The following ZNF212 variants were observed in gnomAD, a reference collection of about 807,000 sequenced individuals.
ZNF212 encodes the protein Zinc finger protein C2H2-150.
ZNF212 carries 32 observed loss-of-function variants against 47.3 expected under a neutral mutation model. The observed-to-expected ratio is 0.68, with a 90% CI of 0.51 to 0.91. The LOEUF is 0.91. Among genes scored for constraint, ZNF212 ranks in the 40% least tolerant of loss-of-function variants. The pLI is 0.00. For missense variants in ZNF212, 555 were observed against 622.8 expected, an observed-to-expected ratio of 0.89 and a Z score of 1.16; for synonymous variants, 242 against 253.8, an observed-to-expected ratio of 0.95 and a Z score of 0.44.
In ZNF212 at chr7:149,239,708, G is replaced by T. The variant is rs932877799; in HGVS notation, c.-71G>T. On this transcript the variant is annotated 5_prime_UTR_variant, in exon 1 of 5. Transcript: ENST00000335870. ...GCGGCGGCTTCCAACAGGCTCTGGG[G>T]CGCCGAGCGGACAGGAACGCAGCAC... 8.6e-6 allele frequency: 11 copies of T among 1,278,588 alleles called. No individual in the cohort carries two copies. The African/African-American group carries it at 9.3e-5, about 11-fold the overall frequency. 79.2% of individuals were successfully genotyped at this position (1,278,588 alleles called of 1,614,324 possible).
Position 149,253,902 on chromosome 7 carries a change from C to T in ZNF212, c.975C>T (p.Phe325=), listed in dbSNP as rs769999936. The part of the protein sequence containing the change: ...PYECSECEIT[F]RYKQQLATHL... The stretch of plus-strand genomic sequence containing the variant: ...AATGTTCTGAGTGTGAGATCACCTT[C>T]CGCTATAAGCAGCAGCTGGCCACAC... The change falls in exon 5 of 5, where the codon TTC becomes TTT. Residue 325 remains phenylalanine (F), a synonymous_variant. Coordinates refer to ENST00000335870, the MANE Select transcript of ZNF212 (RefSeq NM_012256.4). 12 of 1,613,908 alleles carry T rather than the reference C, an allele frequency of 7.4e-6. No individual in the cohort carries two copies. The African/African-American group carries it at 1.2e-4, about 16-fold the overall frequency.
intron 1 of ZNF212, among the ~76,000 whole-genome samples, chr7:149,244,116 G>A (rs1796640818): frequency 6.6e-6 from 1 of 151,832 alleles, no homozygotes. Flanking sequence ...TGTATTTTTA[G>A]TAGAGACAGG....
At chr7:149,239,837 G>T in intron 1 of ZNF212, 35 bp downstream of exon 1, 5 of 1,266,770 alleles carry the variant, frequency 3.9e-6, no homozygotes, top group Non-Finnish European at 5.0e-6. Context: ...TCGAGGGCGC[G>T]TTGGGGATGG....
intron 1 of ZNF212, 26 bp from the exon 2 acceptor site, chr7:149,250,133 T>C (rs1585595295): frequency 2.7e-6 from 4 of 1,487,126 alleles, no homozygotes; most frequent in Non-Finnish European, 3.6e-6. Context: ...GGAAGTGACA[T>C]TGACCCTGTG....
intron 1 of ZNF212, among the ~76,000 whole-genome samples, chr7:149,241,389 G>A (rs993766217): frequency 1.4e-5 from 2 of 139,618 alleles, no homozygotes; most frequent in African/African-American, 2.7e-5. Flanking sequence ...CTGAGATCGT[G>A]CTATTGCACT....
Position 149,239,675 on chromosome 7 carries a change from C to CGGCGGCGGT in ZNF212, c.-96_-95insTGGCGGCGG, listed in dbSNP as rs1034656786. 7 of 1,270,970 alleles carry CGGCGGCGGT rather than the reference C, an allele frequency of 5.5e-6. No homozygotes were observed. The highest frequency in any genetic ancestry group is 7.0e-6 in the Non-Finnish European group (7 of 997,372). 78.7% of individuals were successfully genotyped at this position (1,270,970 alleles called of 1,614,324 possible). ...CAGAATGCACCTGGCATCAACACGG[C>CGGCGGCGGT]GGCGGCGGCGGCGGCTTCCAACAGG... is the stretch of plus-strand genomic sequence containing the variant. On this transcript the variant is annotated 5_prime_UTR_variant, in exon 1 of 5. Coordinates refer to ENST00000335870, the MANE Select transcript of ZNF212 (RefSeq NM_012256.4).
In ZNF212 at chr7:149,253,818, G is replaced by T. The variant is rs919910371; in HGVS notation, c.891G>T (p.Gln297His). 1.9e-6 allele frequency: 3 copies of T among 1,613,924 alleles called. No homozygotes were observed. The highest frequency in any genetic ancestry group is 2.5e-6 in the Non-Finnish European group (3 of 1,179,942). The change falls in exon 5 of 5, where the codon CAG becomes CAT. Residue 297 changes from glutamine to histidine, a missense_variant. Physicochemically the swap from Gln to His is conservative, Grantham distance 24. Coordinates refer to ENST00000335870, the MANE Select transcript of ZNF212 (RefSeq NM_012256.4). ...AGCAGAAATCTCATAGGCAGGTACA[G>T]CTGGACCAGGAATGTGGGCAGGGCC... ...CPKQKSHRQV[Q>H]LDQECGQGLK...
intron 1 of ZNF212, among the ~76,000 whole-genome samples, chr7:149,242,352 C>CAA (rs200276596): frequency 0.052 from 6,999 of 133,826 alleles, 237 homozygotes; most frequent in Non-Finnish European, 0.08. Context: ...TAAAAGCAAC[C>CAA]AAAAAAAAAA....
intron 1 of ZNF212, among the ~76,000 whole-genome samples, chr7:149,243,894 T>C (rs959126403): frequency 2.6e-5 from 4 of 152,122 alleles, no homozygotes; most frequent in Admixed American, 2.6e-4. Context: ...GCACTTGAAA[T>C]GTTAGCTAGT....
At position 149,254,714 on chromosome 7, in the gene ZNF212, G is replaced by A. The variant is rs925659727; in HGVS notation, c.*299G>A. 12 of 368,212 alleles carry A rather than the reference G, an allele frequency of 3.3e-5. No individual in the cohort carries two copies. Among genetic ancestry groups the A allele is most frequent in the Non-Finnish European group, 5.3e-5 (11 of 205,778 alleles). The allele number at this position is 368,212 out of a possible 1,614,324, so 22.8% of individuals were successfully genotyped here. A position where few individuals can be genotyped will look rare whatever the true frequency, so the allele number is the denominator to read the frequency against. ...GCGTTCTGACCCCACAGGGACTGGTGGCTGGTTCCAGGGCTCGTCCCGGCA... is the reference window on the plus strand; with the variant it reads ...GCGTTCTGACCCCACAGGGACTGGTAGCTGGTTCCAGGGCTCGTCCCGGCA... On this transcript the variant is annotated 3_prime_UTR_variant, in exon 5 of 5. Coordinates refer to ENST00000335870, the MANE Select transcript of ZNF212 (RefSeq NM_012256.4). The surrounding 1 kb of genome is among the most constrained non-coding windows in gnomAD (Gnocchi z 4.5).
At chr7:149,248,225 T>C (rs965193010) in intron 1 of ZNF212, among the ~76,000 whole-genome samples, 8 of 152,146 alleles carry the variant, frequency 5.3e-5, no homozygotes, top group African/African-American at 1.9e-4. Flanking sequence ...GGACAAACCA[T>C]AGTAGACATC....
intron 1 of ZNF212, among the ~76,000 whole-genome samples, chr7:149,248,002 C>T (rs1239377966): frequency 5.3e-5 from 8 of 152,110 alleles, no homozygotes; most frequent in African/African-American, 1.9e-4. Flanking sequence ...CACATGGTGA[C>T]AGAGGAGGCA....
At position 149,239,821 on chromosome 7, in the gene ZNF212, G is replaced by A. The variant is rs974199367; in HGVS notation, c.24+19G>A. On this transcript the variant is annotated intron_variant, in intron 1 of 4. Transcript: ENST00000335870. ...TGCTCGGGTAAAGAGGCACCGGCGC[G>A]CTGGCTCGAGGGCGCGTTGGGGATG... 7.9e-7 allele frequency: 1 copy of A among 1,272,146 alleles called. No individual in the cohort carries two copies. Among genetic ancestry groups the A allele is most frequent in the Non-Finnish European group, 1.0e-6 (1 of 1,000,970 alleles). 78.8% of individuals were successfully genotyped at this position (1,272,146 alleles called of 1,614,324 possible). A position where few individuals can be genotyped will look rare whatever the true frequency, so the allele number is the denominator to read the frequency against.
At chr7:149,239,986 C>A in intron 1 of ZNF212, 184 bp downstream of exon 1, 1 of 679,742 alleles carries the variant, frequency 1.5e-6, no homozygotes, top group Non-Finnish European at 2.1e-6. Context: ...CCCTCCGCTT[C>A]CTTCTGCAGC....
At chr7:149,244,515 A>C (rs111608224) in intron 1 of ZNF212, among the ~76,000 whole-genome samples, 5 of 151,728 alleles carry the variant, frequency 3.3e-5, no homozygotes, top group East Asian at 3.9e-4. Context: ...GGGTTTCACC[A>C]TGTTAGCCAG....
intron 4 of ZNF212, among the ~76,000 whole-genome samples, 184 bp from the exon 5 acceptor site, chr7:149,253,375 A>G (rs1006682932): frequency 6.6e-6 from 1 of 152,246 alleles, no homozygotes; most frequent in East Asian, 1.9e-4. Context: ...TCAACATTGG[A>G]AAAACTGTAC....
chr7:149,254,023 G>T lies in ZNF212; in HGVS notation c.1096G>T (p.Ala366Ser), dbSNP rs760311620. 17 of 1,613,190 alleles carry T rather than the reference G, an allele frequency of 1.1e-5. No individual in the cohort carries two copies. Among genetic ancestry groups the T allele is most frequent in the South Asian group, 4.4e-5 (4 of 90,918 alleles). Residue 366 changes from alanine to serine, a missense_variant, in exon 5 of 5, where the codon GCC (alanine) becomes TCC (serine). By Grantham distance (99) the Ala-to-Ser change is moderately conservative. Coordinates refer to ENST00000335870, the MANE Select transcript of ZNF212 (RefSeq NM_012256.4). The surrounding 1 kb of genome is among the most constrained non-coding windows in gnomAD (Gnocchi z 4.5). The part of the protein sequence containing the change: ...RPRLKPQTKK[A>S]KLHQCDVCLR... ...ACGGCTGAAACCACAGACCAAAAAGGCCAAGCTGCATCAGTGTGATGTGTG... is the reference window on the plus strand; with the variant it reads ...ACGGCTGAAACCACAGACCAAAAAGTCCAAGCTGCATCAGTGTGATGTGTG...
At chr7:149,244,340 T>C (rs1254691557) in intron 1 of ZNF212, among the ~76,000 whole-genome samples, 4 of 152,022 alleles carry the variant, frequency 2.6e-5, no homozygotes, top group African/African-American at 9.7e-5. Flanking sequence ...TGAGACAGAG[T>C]CTCTCTCTGT....
At chr7:149,252,672 C>T (rs1353784246) in intron 3 of ZNF212, 34 bp from the exon 4 acceptor site, 1 of 1,606,092 alleles carries the variant, frequency 6.2e-7, no homozygotes, top group African/African-American at 1.3e-5. Context: ...CTTTCACTCT[C>T]TCCTGGGCTC....
Sources: allele counts gnomAD v4.1 joint callset (sites outside exome capture counted in the v4.1 genomes callset), GRCh38; gene constraint gnomAD v4.1.1; non-coding constraint Gnocchi (gnomAD v3.1); transcripts MANE v1.5; gene names NCBI Gene and HGNC (gene_info 2026-07-23, HGNC 2026-07-21).